LRRIQ4: variants seen among roughly 807,000 people sequenced by gnomAD.
The protein encoded by LRRIQ4 is leucine-rich repeat and IQ domain-containing protein 4.
LRRIQ4 carries 21 observed loss-of-function variants against 40.1 expected under a neutral mutation model. That is an observed-to-expected ratio of 0.52 (90% CI 0.37 to 0.75). The LOEUF (loss-of-function observed/expected upper bound fraction) is 0.75. LRRIQ4 is among the 30% of genes least tolerant of loss of function. LRRIQ4 has a pLI of 0.00. For synonymous variants in LRRIQ4, 277 were observed against 277.1 expected (o/e 1.00, Z 0.00); for missense variants, 655 against 660.0 (o/e 0.99, Z 0.08).
chr3:169,823,876 G>A (rs1156279961), intron 2 of LRRIQ4, among the ~76,000 whole-genome samples: 3 of 152,182 alleles, frequency 2.0e-5, no homozygotes, highest in African/African-American at 7.2e-5. Context: ...ATGTCAGTAG[G>A]GGAGTGGGCA....
At chr3:169,815,614 T>C (rs1374286450) in intron 1 of LRRIQ4, among the ~76,000 whole-genome samples, 1 of 152,210 alleles carries the variant, frequency 6.6e-6, no homozygotes, top group East Asian at 1.9e-4. Context: ...TCTTTTCCAG[T>C]TTGGATGCTC....
intron 1 of LRRIQ4, among the ~76,000 whole-genome samples, chr3:169,818,414 G>A (rs921379209): frequency 6.6e-6 from 1 of 152,120 alleles, no homozygotes; most frequent in Non-Finnish European, 1.5e-5. Context: ...TGTTGGAGGG[G>A]ATGATTGCTA....
chr3:169,831,972 A>C (rs1780188740), intron 4 of LRRIQ4, among the ~76,000 whole-genome samples: 1 of 151,182 alleles, frequency 6.6e-6, no homozygotes, highest in South Asian at 2.1e-4. Context: ...TTTTAATAAA[A>C]GTTAAAAAAT....
At chr3:169,827,191 A>C (rs986098083) in intron 2 of LRRIQ4, among the ~76,000 whole-genome samples, 1 of 152,206 alleles carries the variant, frequency 6.6e-6, no homozygotes, top group South Asian at 2.1e-4. Flanking sequence ...GTTAGGAATT[A>C]AGCCAGATAA....
intron 1 of LRRIQ4, among the ~76,000 whole-genome samples, chr3:169,815,948 T>C (rs2108262344): frequency 6.6e-6 from 1 of 152,360 alleles, no homozygotes; most frequent in Middle Eastern, 3.4e-3. Flanking sequence ...ATTGATTGAT[T>C]TGTGTATGTT....
At chr3:169,836,566 TGAG>T (rs1236091115) in intron 5 of LRRIQ4, among the ~76,000 whole-genome samples, 1 of 152,204 alleles carries the variant, frequency 6.6e-6, no homozygotes, top group Non-Finnish European at 1.5e-5. Context: ...AATCTCATCA[TGAG>T]GACCCTGCTG....
At chr3:169,823,068 C>T in intron 2 of LRRIQ4, 127 bp downstream of exon 2, 4 of 720,388 alleles carry the variant, frequency 5.6e-6, no homozygotes, top group East Asian at 5.6e-5. Flanking sequence ...TACTAAATAT[C>T]CAACAAGGTG....
At chr3:169,823,952 C>T (rs931660053) in intron 2 of LRRIQ4, among the ~76,000 whole-genome samples, 5 of 152,000 alleles carry the variant, frequency 3.3e-5, no homozygotes, top group Admixed American at 2.6e-4. Flanking sequence ...TACTGTATTG[C>T]CAATATGGAT....
intron 1 of LRRIQ4, among the ~76,000 whole-genome samples, chr3:169,815,686 G>A (rs1213568314): frequency 6.6e-6 from 1 of 152,194 alleles, no homozygotes; most frequent in Non-Finnish European, 1.5e-5. Flanking sequence ...CTGAATAATA[G>A]TGGTTAAAGT....
chr3:169,817,917 C>T (rs1265666289), intron 1 of LRRIQ4, among the ~76,000 whole-genome samples: 1 of 152,118 alleles, frequency 6.6e-6, no homozygotes, highest in Non-Finnish European at 1.5e-5. Context: ...TCCTCAGAGC[C>T]CAGCACAGCA....
At chr3:169,829,061 C>G in intron 3 of LRRIQ4, 129 bp downstream of exon 3, 1 of 802,998 alleles carries the variant, frequency 1.2e-6, no homozygotes, top group East Asian at 2.7e-5. Flanking sequence ...CAGCTTCAGA[C>G]AAGCAATCAT....
chr3:169,826,392 C>CA (rs1322798985), intron 2 of LRRIQ4, among the ~76,000 whole-genome samples: 191 of 96,482 alleles, frequency 2.0e-3, no homozygotes, highest in Middle Eastern at 5.4e-3. Flanking sequence ...AACTCCGCCT[C>CA]AAAAAAAAAA....
intron 2 of LRRIQ4, among the ~76,000 whole-genome samples, chr3:169,827,140 C>G (rs1780056361): frequency 6.6e-6 from 1 of 152,076 alleles, no homozygotes; most frequent in Non-Finnish European, 1.5e-5. Flanking sequence ...GGGAAGAATG[C>G]CCATGGGCTC....
chr3:169,831,147 C>G (rs560849982), intron 4 of LRRIQ4, among the ~76,000 whole-genome samples: 10 of 151,574 alleles, frequency 6.6e-5, no homozygotes, highest in Admixed American at 3.3e-4. Flanking sequence ...TCTGTACATT[C>G]ATCCATCCAC....
rs367906102 is a variant in LRRIQ4 at position 169,822,551 on chromosome 3, G to T, written c.630G>T (p.Leu210=). Residue 210 remains leucine, a synonymous_variant, in exon 2 of 6, where the codon CTG becomes CTT. Transcript: ENST00000340806. ...CCATCCCAGAAGAGATCGGACACCT[G>T]ACGGGGCTGCAGAAGTTCTATATGG... ...IGAIPEEIGH[L]TGLQKFYMAS... 2 of 1,613,846 alleles carry T rather than the reference G, an allele frequency of 1.2e-6. No individual in the cohort carries two copies. Among genetic ancestry groups the T allele is most frequent in the African/African-American group, 1.3e-5 (1 of 74,924 alleles).
At chr3:169,813,837 C>G (rs1343260342) in intron 1 of LRRIQ4, among the ~76,000 whole-genome samples, 1 of 152,154 alleles carries the variant, frequency 6.6e-6, no homozygotes, top group Non-Finnish European at 1.5e-5. Context: ...CACCTTCTAC[C>G]GGTAACAATG....
chr3:169,829,485 G>T (rs1197849589), intron 3 of LRRIQ4, among the ~76,000 whole-genome samples: 3 of 124,914 alleles, frequency 2.4e-5, no homozygotes, highest in African/African-American at 1.0e-4. Flanking sequence ...ATCCTTTAAA[G>T]AACTGTTTTT....
intron 4 of LRRIQ4, 111 bp downstream of exon 4, chr3:169,830,741 GT>G: frequency 7.5e-7 from 1 of 1,328,438 alleles, no homozygotes; most frequent in Non-Finnish European, 1.0e-6. Flanking sequence ...AGAGAACTGA[GT>G]CTATCCCATT....
At position 169,837,567 on chromosome 3, in the gene LRRIQ4, C is replaced by A; in HGVS notation, c.1619C>A (p.Ser540Tyr). 6.2e-7 allele frequency: 1 copy of A among 1,601,618 alleles called. No individual in the cohort carries two copies. The highest frequency in any genetic ancestry group is 8.5e-7 in the Non-Finnish European group (1 of 1,174,224). ...LLKPQKKGKT[S>Y]PKDKKGKKDV... is the part of the protein sequence containing the mutation. ...AAACCACAAAAGAAAGGAAAGACCT[C>A]TCCAAAAGATAAGAAAGGAAAGAAG... is the stretch of plus-strand genomic sequence containing the variant. Residue 540 changes from serine (S) to tyrosine (Y), a missense_variant, in exon 6 of 6, where the codon TCT becomes TAT. Ser to Tyr is a moderately radical substitution (Grantham distance 144, BLOSUM62 -2). Transcript: ENST00000340806.
Sources: allele counts gnomAD v4.1 joint callset (sites outside exome capture counted in the v4.1 genomes callset), GRCh38; gene constraint gnomAD v4.1.1; transcripts MANE v1.5; gene names NCBI Gene and HGNC (gene_info 2026-07-23, HGNC 2026-07-21).